TOR3A: variants seen among roughly 807,000 people sequenced by gnomAD.
The protein encoded by TOR3A is torsin-3A.
Under a neutral mutation model 42.1 loss-of-function variants are expected in TOR3A, and 44 were observed. That is an observed-to-expected ratio of 1.04 (90% confidence interval 0.82 to 1.34). TOR3A has a LOEUF of 1.34. Ranked by LOEUF, TOR3A falls within the 40% of genes most tolerant of loss-of-function variation. The pLI, the probability that TOR3A is intolerant of heterozygous loss-of-function variation, is 0.00. For missense variants in TOR3A, 521 were observed against 507.6 expected (o/e 1.03, Z -0.25); for synonymous variants, 227 against 213.2 (o/e 1.06, Z -0.57).
At chr1:179,093,016 A>G (rs1431768280) in intron 4 of TOR3A, among the ~76,000 whole-genome samples, 1 of 152,160 alleles carries the variant, frequency 6.6e-6, no homozygotes, top group Non-Finnish European at 1.5e-5. Context: ...AAAGAGAGAA[A>G]GCACGGGGAA....
At position 179,085,646 on chromosome 1, in the gene TOR3A, A is replaced by G; in HGVS notation, c.392A>G (p.Asn131Ser). The change falls in exon 3 of 6, where the codon AAT becomes AGT. Residue 131 changes from asparagine (N) to serine (S), a missense_variant. Coordinates refer to ENST00000367627, the MANE Select transcript of TOR3A (RefSeq NM_022371.4). The stretch of plus-strand genomic sequence containing the variant: ...TCCTTAGGCTTAGAGTGGGACCTGA[A>G]TGTGCGGCTGCATGGCCAGCATTTG... ...NNFTGLEWDL[N>S]VRLHGQHLVQ... 1.2e-6 allele frequency: 2 copies of G among 1,614,070 alleles called. No individual in the cohort carries two copies. Among genetic ancestry groups the G allele is most frequent in the Non-Finnish European group, 1.7e-6 (2 of 1,180,002 alleles).
In TOR3A at chr1:179,095,095, G is replaced by A; in HGVS notation, c.1071G>A (p.Leu357=). The change falls in exon 6 of 6, where the codon CTG becomes CTA. Residue 357 remains leucine (L), a synonymous_variant. Transcript: ENST00000367627. The part of the protein sequence containing the change: ...ARDAFLSQEL[L]YKEETLDEIA... ...ATGCCTTCCTGAGCCAGGAGCTCCTGTATAAAGAAGAGACACTGGATGAAA... is the reference window on the plus strand; with the variant it reads ...ATGCCTTCCTGAGCCAGGAGCTCCTATATAAAGAAGAGACACTGGATGAAA... 6.2e-7 allele frequency: 1 copy of A among 1,614,218 alleles called. No homozygotes were observed. The highest frequency in any genetic ancestry group is 8.5e-7 in the Non-Finnish European group (1 of 1,180,042).
chr1:179,088,950 C>T (rs72709449), intron 4 of TOR3A, among the ~76,000 whole-genome samples: 5,755 of 152,230 alleles, frequency 0.038, 149 homozygotes, highest in Non-Finnish European at 0.058. Context: ...CCTCGCCTTC[C>T]CCAGGCCAGC....
At chr1:179,084,275 C>G (rs903359611) in intron 2 of TOR3A, among the ~76,000 whole-genome samples, 1 of 152,084 alleles carries the variant, frequency 6.6e-6, no homozygotes, top group Non-Finnish European at 1.5e-5. Context: ...CAGTCTCTGT[C>G]ACCTAGGCTG....
chr1:179,084,048 T>A lies in TOR3A; in HGVS notation c.373+995T>A, dbSNP rs567397630. Among the ~76,000 whole-genome samples the A allele has an allele frequency of 2.7e-3, 409 of 152,270 alleles. 2 individuals are homozygous for A. The highest frequency in any genetic ancestry group is 9.5e-3 in the African/African-American group (393 of 41,558). ...TAATTTGGATCACTGCTGACTTGGA[T>A]AAGACCCTAGGTAGCAATTAGCAAG... is the stretch of plus-strand genomic sequence containing the variant. On this transcript the variant is annotated intron_variant, in intron 2 of 5. Transcript: ENST00000367627.
rs575220979 is a variant in TOR3A at position 179,082,707 on chromosome 1, T to G, written c.260-233T>G. On this transcript the variant is annotated intron_variant, in intron 1 of 5. Transcript: ENST00000367627. Reference sequence around the variant, plus strand: ...CCACCCTGGCGTTATTCGAAGGTGTTGCTCTTGACAGCTCTAGGGAACGTC... The same window carrying G: ...CCACCCTGGCGTTATTCGAAGGTGTGGCTCTTGACAGCTCTAGGGAACGTC... 17 of 703,472 alleles carry G rather than the reference T, an allele frequency of 2.4e-5. No individual in the cohort carries two copies. In the South Asian group the frequency reaches 2.5e-4, roughly 11 times the overall value. 43.6% of individuals were successfully genotyped at this position (703,472 alleles called of 1,614,324 possible).
intron 4 of TOR3A, among the ~76,000 whole-genome samples, chr1:179,089,687 G>C (rs1043268862): frequency 7.9e-5 from 12 of 152,184 alleles, no homozygotes; most frequent in Non-Finnish European, 1.3e-4. Context: ...GGTGCTCTGT[G>C]GTTTCTCCAC....
intron 4 of TOR3A, chr1:179,091,700 C>T (rs992429730): frequency 6.6e-6 from 1 of 152,372 alleles, no homozygotes; most frequent in African/African-American, 2.4e-5. Flanking sequence ...GGAGTCCATG[C>T]CCCTAGGATG....
chr1:179,088,971 T>TG (rs35816670), intron 4 of TOR3A, among the ~76,000 whole-genome samples: 15 of 152,154 alleles, frequency 9.9e-5, no homozygotes, highest in East Asian at 7.7e-4. Flanking sequence ...ACTTGCTTGC[T>TG]GGGGGGGTTT....
Position 179,082,369 on chromosome 1 carries a change from G to A in TOR3A, c.241G>A (p.Ala81Thr), listed in dbSNP as rs751452219. The change falls in exon 1 of 6, where the codon GCA becomes ACA. Residue 81 changes from alanine (A) to threonine (T), a missense_variant. Ala to Thr is a moderately conservative substitution (Grantham distance 58, BLOSUM62 0). Transcript: ENST00000367627. The part of the protein sequence containing the change: ...WPDDCDEDEE[A>T]ATGPLGWRLP... ...CGACGACTGTGACGAGGACGAGGAGGCAGCCACGGGGCCCCTGGGTAAGAC... is the reference window on the plus strand; with the variant it reads ...CGACGACTGTGACGAGGACGAGGAGACAGCCACGGGGCCCCTGGGTAAGAC... The A allele has an allele frequency of 6.2e-7, 1 of 1,606,082 alleles. No individual in the cohort carries two copies. Among genetic ancestry groups the A allele is most frequent in the Non-Finnish European group, 8.5e-7 (1 of 1,177,532 alleles).
Position 179,082,344 on chromosome 1 carries a change from C to T in TOR3A, c.216C>T (p.Pro72=), listed in dbSNP as rs759167777. The T allele has an allele frequency of 6.2e-7, 1 of 1,605,840 alleles. No homozygotes were observed. The highest frequency in any genetic ancestry group is 1.7e-5 in the Admixed American group (1 of 59,604). Residue 72 remains proline, a synonymous_variant, in exon 1 of 6, where the codon CCC becomes CCT. Coordinates refer to ENST00000367627, the MANE Select transcript of TOR3A (RefSeq NM_022371.4). ...CGCTCTTCAGCTGCCAGGTGTGGCC[C>T]GACGACTGTGACGAGGACGAGGAGG... is the stretch of plus-strand genomic sequence containing the variant. The part of the protein sequence containing the change: ...YWTLFSCQVW[P]DDCDEDEEAA...
intron 4 of TOR3A, among the ~76,000 whole-genome samples, chr1:179,092,298 T>C (rs1652611988): frequency 6.6e-6 from 1 of 152,162 alleles, no homozygotes; most frequent in Admixed American, 6.5e-5. Context: ...TGAGCTAATA[T>C]ACTGGTAGGT....
At position 179,087,906 on chromosome 1, in the gene TOR3A, T is replaced by C. The variant is rs778879391; in HGVS notation, c.640-5T>C. 7.6e-6 allele frequency: 12 copies of C among 1,576,460 alleles called. No individual in the cohort carries two copies. In the Admixed American group the frequency reaches 1.1e-4, roughly 14 times the overall value. ...TTCCCCAGCTGCTCCCTATATCCCG[T>C]GCAGGAGCAGCTGATGAGCCAGATC... On this transcript the variant is annotated splice_polypyrimidine_tract_variant and splice_region_variant and intron_variant, in intron 3 of 5. Coordinates refer to ENST00000367627, the MANE Select transcript of TOR3A (RefSeq NM_022371.4).
intron 4 of TOR3A, among the ~76,000 whole-genome samples, 194 bp from the exon 5 acceptor site, chr1:179,093,899 C>T (rs188684429): frequency 6.6e-6 from 1 of 152,250 alleles, no homozygotes; most frequent in Admixed American, 6.5e-5. Context: ...GAATGGGTGG[C>T]AAAACTGGAC....
At chr1:179,093,964 AAGAG>A (rs1572577759) in intron 4 of TOR3A, 125 bp from the exon 5 acceptor site, 6 of 1,209,532 alleles carry the variant, frequency 5.0e-6, no homozygotes, top group Non-Finnish European at 5.7e-6. Context: ...GGTCTCCTGG[AAGAG>A]AGAGAAGGTC....
At chr1:179,090,366 G>A (rs1173685507) in intron 4 of TOR3A, among the ~76,000 whole-genome samples, 1 of 152,254 alleles carries the variant, frequency 6.6e-6, no homozygotes, top group Admixed American at 6.5e-5. Context: ...CAAGTTCTCA[G>A]GTAGTCCAGC....
At position 179,087,976 on chromosome 1, in the gene TOR3A, TG is replaced by T. The variant is rs766158822; in HGVS notation, c.706del (p.Glu236LysfsTer17). 6.2e-7 allele frequency: 1 copy of T among 1,612,922 alleles called. No individual in the cohort carries two copies. Among genetic ancestry groups the T allele is most frequent in the South Asian group, 1.1e-5 (1 of 90,990 alleles). ...LCHQTLFIFD[E>X]AEKLHPGLLE... The stretch of plus-strand genomic sequence containing the variant: ...GCCACCAGACCCTGTTCATCTTCGA[TG>T]AAGCGGAGAAGCTGCACCCAGGGCT... On this transcript the variant is annotated frameshift_variant, in exon 4 of 6. Coordinates refer to ENST00000367627, the MANE Select transcript of TOR3A (RefSeq NM_022371.4). LOFTEE classifies it high-confidence loss of function.
chr1:179,090,062 G>T (rs1652537367), intron 4 of TOR3A, among the ~76,000 whole-genome samples: 2 of 142,504 alleles, frequency 1.4e-5, no homozygotes, highest in South Asian at 5.0e-4. Flanking sequence ...CTTTCCCCCA[G>T]TGACCCAGCC....
At chr1:179,094,840 T>C (rs546917031) in intron 5 of TOR3A, 128 bp from the exon 6 acceptor site, 6 of 876,956 alleles carry the variant, frequency 6.8e-6, no homozygotes, top group Non-Finnish European at 1.1e-5. Context: ...ATCTCACCAC[T>C]GCACTCCAGC....
Sources: allele counts gnomAD v4.1 joint callset (sites outside exome capture counted in the v4.1 genomes callset), GRCh38; gene constraint gnomAD v4.1.1; transcripts MANE v1.5; gene names NCBI Gene and HGNC (gene_info 2026-07-23, HGNC 2026-07-21).